Variants in CDC42BPB observed in about 807,000 individuals in gnomAD.
CDC42BPB encodes the protein serine/threonine-protein kinase MRCK beta.
In CDC42BPB, 37 loss-of-function variants were observed where a neutral mutation model predicts 214.9. The ratio of observed to expected loss-of-function variants is 0.17; its 90% confidence interval spans 0.13 to 0.23. CDC42BPB has a LOEUF of 0.23. CDC42BPB is among the 10% of genes least tolerant of loss of function. The probability of loss-of-function intolerance (pLI) is 1.00; values close to 1 mark genes in which losing one functional copy is unlikely to be tolerated. For synonymous variants in CDC42BPB, 931 were observed against 884.0 expected, an observed-to-expected ratio of 1.05 and a Z score of -0.94; for missense variants, 1,694 against 2,227.0, an observed-to-expected ratio of 0.76 and a Z score of 4.82.
chr14:102,966,996 G>A (rs1893237197), intron 17 of CDC42BPB, 50 bp downstream of exon 17: 10 of 1,592,584 alleles, frequency 6.3e-6, no homozygotes, highest in East Asian at 4.5e-5. Context: ...CAGACCCCAT[G>A]GACTGAGCAG....
intron 1 of CDC42BPB, among the ~76,000 whole-genome samples, chr14:103,023,459 G>A (rs1407051940): frequency 6.6e-6 from 1 of 152,040 alleles, no homozygotes; most frequent in African/African-American, 2.4e-5. Flanking sequence ...GAGCCACCAT[G>A]CCTGGCAGTG....
intron 2 of CDC42BPB, among the ~76,000 whole-genome samples, chr14:103,008,906 G>C (rs1393847312): frequency 6.6e-6 from 1 of 152,226 alleles, no homozygotes; most frequent in African/African-American, 2.4e-5. Flanking sequence ...GGCACAGTCA[G>C]CACTCAGCGC....
Position 102,978,132 on chromosome 14 carries a change from G to T in CDC42BPB, c.1214C>A (p.Thr405Lys). 1.2e-6 allele frequency: 2 copies of T among 1,610,460 alleles called. No homozygotes were observed. The highest frequency in any genetic ancestry group is 8.5e-7 in the Non-Finnish European group (1 of 1,176,676). The part of the protein sequence containing the change: ...HLPFIGFTFT[T>K]ESCFSDRGSL... ...ATGATAAATCCAGACATACCTTTCCGTTGTGAATGTAAAACCAATGAATGG... is the reference window on the plus strand; with the variant it reads ...ATGATAAATCCAGACATACCTTTCCTTTGTGAATGTAAAACCAATGAATGG... The change falls in exon 9 of 37, where the codon ACG (threonine) becomes AAG (lysine). Residue 405 changes from threonine (T) to lysine (K), a missense_variant. Physicochemically the swap from Thr to Lys is moderately conservative, Grantham distance 78. Around this residue, in one of 7 missense-constraint regions of CDC42BPB, gnomAD observed 225 missense variants for 459.3 expected, o/e 0.49. Transcript: ENST00000361246.
rs918260865 is a variant in CDC42BPB at position 102,943,026 on chromosome 14, G to A, written c.4408+865C>T. 4.6e-5 allele frequency among the ~76,000 whole-genome samples: 7 copies of A among 152,234 alleles called. No homozygotes were observed. In the East Asian group the frequency reaches 5.8e-4, roughly 13 times the overall value. On this transcript the variant is annotated intron_variant, in intron 30 of 36. Transcript: ENST00000361246. This position sits in a 1 kb window ranked among gnomAD's most constrained non-coding sequence, Gnocchi z 4.6. Reference sequence around the variant, plus strand: ...TGGGACTACAGGCGCCCGCCACCACGCCCGGCTAATTTTTTTTTGTATTTT... The same window carrying A: ...TGGGACTACAGGCGCCCGCCACCACACCCGGCTAATTTTTTTTTGTATTTT...
chr14:103,002,575 C>T (rs1895037021), intron 4 of CDC42BPB, among the ~76,000 whole-genome samples: 1 of 152,178 alleles, frequency 6.6e-6, no homozygotes, highest in Admixed American at 6.5e-5. Flanking sequence ...GGAGACAGTC[C>T]ACCGGGGTCC....
At chr14:102,960,869 A>G (rs1217593902) in intron 20 of CDC42BPB, among the ~76,000 whole-genome samples, 1 of 152,178 alleles carries the variant, frequency 6.6e-6, no homozygotes, top group African/African-American at 2.4e-5. Flanking sequence ...ATTCTAATTT[A>G]AAAAATGAGG....
At chr14:103,015,288 C>G (rs1440719835) in intron 1 of CDC42BPB, among the ~76,000 whole-genome samples, 1 of 152,156 alleles carries the variant, frequency 6.6e-6, no homozygotes, top group African/African-American at 2.4e-5. Flanking sequence ...CAAATATTTT[C>G]AAACTGCTCC....
chr14:102,940,489 C>T lies in CDC42BPB; in HGVS notation c.4409-165G>A, dbSNP rs142778232. On this transcript the variant is annotated intron_variant, in intron 30 of 36. Coordinates refer to ENST00000361246, the MANE Select transcript of CDC42BPB (RefSeq NM_006035.4). The stretch of plus-strand genomic sequence containing the variant: ...TTCATGTTCCCACTCTGGAATTCAT[C>T]TTCATTTCAAAGTTTAAACAAACAC... 394 of 1,448,712 alleles carry T rather than the reference C, an allele frequency of 2.7e-4. 4 individuals are homozygous for T. The East Asian group carries it at 8.1e-3, about 30-fold the overall frequency. 89.7% of individuals were successfully genotyped at this position (1,448,712 alleles called of 1,614,324 possible). A position where few individuals can be genotyped will look rare whatever the true frequency, so the allele number is the denominator to read the frequency against.
intron 12 of CDC42BPB, among the ~76,000 whole-genome samples, chr14:102,972,742 A>T (rs1893540920): frequency 8.1e-6 from 1 of 123,208 alleles, no homozygotes; most frequent in Non-Finnish European, 1.6e-5. Context: ...AAAAAAAAAA[A>T]AAGCCCCACA....
At chr14:103,056,699 T>C (rs1422069169) in intron 1 of CDC42BPB, among the ~76,000 whole-genome samples, 8 of 135,192 alleles carry the variant, frequency 5.9e-5, no homozygotes, top group Non-Finnish European at 1.3e-4. Context: ...AGTGGGAACG[T>C]AGGATGTGGC....
chr14:102,944,645 G>A lies in CDC42BPB; in HGVS notation c.3812-158C>T, dbSNP rs913997940. ...TGAGCCCGGCCCTGAGCCCGTCTCT[G>A]CCCACAGAGCCAGTGGCTTGAACGC... On this transcript the variant is annotated intron_variant, in intron 29 of 36. Coordinates refer to ENST00000361246, the MANE Select transcript of CDC42BPB (RefSeq NM_006035.4). This position sits in a 1 kb window ranked among gnomAD's most constrained non-coding sequence, Gnocchi z 6.6. 2 of 985,294 alleles carry A rather than the reference G, an allele frequency of 2.0e-6. No homozygotes were observed. Among genetic ancestry groups the A allele is most frequent in the Non-Finnish European group, 2.4e-6 (2 of 829,880 alleles). 61.0% of individuals were successfully genotyped at this position (985,294 alleles called of 1,614,324 possible). A position where few individuals can be genotyped will look rare whatever the true frequency, so the allele number is the denominator to read the frequency against.
At chr14:102,992,800 T>C (rs1040759760) in intron 5 of CDC42BPB, among the ~76,000 whole-genome samples, 10 of 148,362 alleles carry the variant, frequency 6.7e-5, no homozygotes, top group Non-Finnish European at 1.3e-4. Flanking sequence ...TATTCAAAAA[T>C]ATATATTAAA....
At chr14:102,996,243 G>A (rs35775421) in intron 5 of CDC42BPB, among the ~76,000 whole-genome samples, 6,321 of 152,242 alleles carry the variant, frequency 0.042, 206 homozygotes, top group Non-Finnish European at 0.061. Flanking sequence ...GGGAGGCTGA[G>A]GCAGGAGAAT....
chr14:103,005,803 C>T (rs554608251), intron 3 of CDC42BPB, among the ~76,000 whole-genome samples: 3 of 152,192 alleles, frequency 2.0e-5, no homozygotes, highest in Admixed American at 6.5e-5. Flanking sequence ...AGACGGATCG[C>T]GAGGTCAGGA....
intron 1 of CDC42BPB, among the ~76,000 whole-genome samples, chr14:103,035,513 C>A (rs1426399251): frequency 4.0e-5 from 6 of 151,666 alleles, no homozygotes; most frequent in Non-Finnish European, 5.9e-5. Context: ...GCCTGGGCAA[C>A]ATAGTAAGAC....
chr14:103,002,674 G>A (rs1895042712), intron 4 of CDC42BPB, among the ~76,000 whole-genome samples: 1 of 152,070 alleles, frequency 6.6e-6, no homozygotes, highest in Non-Finnish European at 1.5e-5. Flanking sequence ...GCCAGGCTGG[G>A]GCTGGGTCTT....
intron 1 of CDC42BPB, among the ~76,000 whole-genome samples, chr14:103,036,307 C>A (rs1341098577): frequency 6.6e-6 from 1 of 151,910 alleles, no homozygotes; most frequent in Non-Finnish European, 1.5e-5. Flanking sequence ...CACCCGCCAC[C>A]ACGCCCGGCT....
chr14:102,978,384 A>G, intron 8 of CDC42BPB, 179 bp from the exon 9 acceptor site: 3 of 977,324 alleles, frequency 3.1e-6, no homozygotes, highest in Non-Finnish European at 3.6e-6. Flanking sequence ...GTCTTTCTCA[A>G]GCCTGGCCCT....
At chr14:102,974,268 A>G in intron 11 of CDC42BPB, 119 bp from the exon 12 acceptor site, 2 of 1,449,076 alleles carry the variant, frequency 1.4e-6, no homozygotes. Flanking sequence ...TTTCATTCAG[A>G]GGTTTTTTTA....
Sources: gnomAD v4.1 joint callset for allele counts (sites outside exome capture counted in the v4.1 genomes callset) on GRCh38, gnomAD v4.1.1 for gene constraint, gnomAD v4.1.1 regional missense constraint, Gnocchi (gnomAD v3.1) non-coding constraint, MANE v1.5 for transcripts, NCBI Gene and HGNC (gene_info 2026-07-23, HGNC 2026-07-21) for gene names.